The following KIN variants were observed in gnomAD, a reference collection of about 807,000 sequenced individuals.
The protein encoded by KIN is Kin17 DNA and RNA binding protein.
A neutral mutation model predicts 63.0 loss-of-function variants in KIN; 47 were observed. The ratio of observed to expected loss-of-function variants is 0.75; its 90% CI spans 0.59 to 0.95. The LOEUF (loss-of-function observed/expected upper bound fraction) is 0.95, where lower values mean the gene tolerates loss of function less well. Among genes scored for constraint, KIN ranks in the 40% least tolerant of loss-of-function variants. The pLI, the probability that KIN is intolerant of heterozygous loss-of-function variation, is 0.00. For missense variants in KIN, 408 were observed against 460.9 expected, an observed-to-expected ratio of 0.89 and a Z score of 1.05; for synonymous variants, 160 against 157.7, an observed-to-expected ratio of 1.01 and a Z score of -0.11.
rs1170762835 is a variant in KIN, at chr10:7,763,710, T to C, written c.918+13A>G. Reference sequence around the variant, plus strand: ...TTTTTTCACAAATTCCATTCATAATTGCACGTCCTTACCTTAACAATAGCC... The same window carrying C: ...TTTTTTCACAAATTCCATTCATAATCGCACGTCCTTACCTTAACAATAGCC... On this transcript the variant is annotated intron_variant, in intron 10 of 12. Transcript: ENST00000379562. 6 of 1,424,716 alleles carry C rather than the reference T, an allele frequency of 4.2e-6. No individual in the cohort carries two copies. The Admixed American group carries it at 1.2e-4, about 28-fold the overall frequency. 88.3% of individuals were successfully genotyped at this position (1,424,716 alleles called of 1,614,324 possible). A position where few individuals can be genotyped will look rare whatever the true frequency, so the allele number is the denominator to read the frequency against.
intron 7 of KIN, among the ~76,000 whole-genome samples, chr10:7,772,174 T>G (rs1835679884): frequency 6.6e-6 from 1 of 152,108 alleles, no homozygotes; most frequent in Non-Finnish European, 1.5e-5. Flanking sequence ...GTAAAAAAAT[T>G]CGAGGTCATC....
In KIN at chr10:7,783,308, A is replaced by G. The variant is rs1835935214; in HGVS notation, c.115-133T>C. 10 of 441,894 alleles carry G rather than the reference A, an allele frequency of 2.3e-5. No homozygotes were observed. In the East Asian group the frequency reaches 3.6e-4, roughly 16 times the overall value. 27.4% of individuals were successfully genotyped at this position (441,894 alleles called of 1,614,324 possible). On this transcript the variant is annotated intron_variant, in intron 1 of 12. Coordinates refer to ENST00000379562, the MANE Select transcript of KIN (RefSeq NM_012311.4). The stretch of plus-strand genomic sequence containing the variant: ...AAATATAATCAAATCATTAGCTGTA[A>G]CTACTCTATCAGGTTTTCAAAAAAA...
intron 7 of KIN, 31 bp downstream of exon 7, chr10:7,774,800 T>C: frequency 6.5e-7 from 1 of 1,543,392 alleles, no homozygotes; most frequent in South Asian, 1.1e-5. Flanking sequence ...AATCCTAATG[T>C]TTTAAGATAT....
intron 2 of KIN, 137 bp downstream of exon 2, chr10:7,782,944 A>C: frequency 2.4e-6 from 1 of 416,438 alleles, no homozygotes; most frequent in Non-Finnish European, 4.2e-6. Context: ...TTTCAAAAGA[A>C]GATAAAAACT....
At position 7,751,255 on chromosome 10, in the gene KIN, G is replaced by A. The variant is rs1835240815; in HGVS notation, c.*4825C>T. On this transcript the variant is annotated 3_prime_UTR_variant, in exon 13 of 13. Transcript: ENST00000379562. ...TTGCACTTTAAAAAAGCTTTTTAAA[G>A]GCACATTTTTATGAATCTTCCTTTC... 1 of 152,178 alleles carries A rather than the reference G, an allele frequency of 6.6e-6. No individual in the cohort carries two copies. The highest frequency in any genetic ancestry group is 1.5e-5 in the Non-Finnish European group (1 of 68,036). 9.4% of individuals were successfully genotyped at this position (152,178 alleles called of 1,614,324 possible). A position where few individuals can be genotyped will look rare whatever the true frequency, so the allele number is the denominator to read the frequency against.
intron 10 of KIN, among the ~76,000 whole-genome samples, chr10:7,763,475 T>G (rs1295088697): frequency 6.6e-6 from 1 of 152,180 alleles, no homozygotes; most frequent in Non-Finnish European, 1.5e-5. Flanking sequence ...TTTGAAGAGG[T>G]GCTGATGGGC....
chr10:7,774,759 CT>C (rs1835734788), intron 7 of KIN, 71 bp downstream of exon 7: 2 of 1,207,872 alleles, frequency 1.7e-6, no homozygotes, highest in Non-Finnish European at 2.4e-6. Flanking sequence ...ATTCACAATA[CT>C]TTAAAATACA....
chr10:7,765,567 T>G (rs1355747626), intron 9 of KIN, among the ~76,000 whole-genome samples: 1 of 152,220 alleles, frequency 6.6e-6, no homozygotes, highest in Non-Finnish European at 1.5e-5. Context: ...TTAAATTATT[T>G]TAAAACAATA....
chr10:7,766,312 A>G (rs1429413038), intron 8 of KIN: 1 of 446,386 alleles, frequency 2.2e-6, no homozygotes, highest in African/African-American at 2.1e-5. Context: ...TTTTAAAAGT[A>G]TATAATAAAG....
At chr10:7,763,009 A>G (rs1273983148) in intron 10 of KIN, among the ~76,000 whole-genome samples, 5 of 152,186 alleles carry the variant, frequency 3.3e-5, no homozygotes, top group African/African-American at 7.2e-5. Flanking sequence ...TAATCCCAGT[A>G]CTTTGGGAGG....
chr10:7,779,967 A>AT, intron 4 of KIN, 89 bp downstream of exon 4: 30 of 1,425,344 alleles, frequency 2.1e-5, no homozygotes, highest in South Asian at 2.5e-5. Context: ...CACTGACCCA[A>AT]TTTTTTTTCT....
intron 1 of KIN, 152 bp downstream of exon 1, chr10:7,787,668 T>C: frequency 4.7e-6 from 3 of 642,082 alleles, no homozygotes; most frequent in Non-Finnish European, 8.3e-6. Flanking sequence ...TCTCGTGCGC[T>C]GAGTAGTTGA....
chr10:7,764,861 A>G (rs2130995340), intron 9 of KIN, among the ~76,000 whole-genome samples: 1 of 152,304 alleles, frequency 6.6e-6, no homozygotes, highest in Admixed American at 6.5e-5. Flanking sequence ...TTCTGAGTTT[A>G]AAAACTAGGC....
In KIN at chr10:7,780,594, T is replaced by TCAC. The variant is rs557270966; in HGVS notation, c.210-290_210-288dup. Among the ~76,000 whole-genome samples, 93 of 152,218 alleles carry TCAC rather than the reference T, an allele frequency of 6.1e-4. 1 individual carries two copies. The South Asian group carries it at 0.018, about 30-fold the overall frequency. On this transcript the variant is annotated intron_variant, in intron 2 of 12. Transcript: ENST00000379562. ...TCGTATTTTTCGTAGGGATGGGGTT[T>TCAC]CACCATGTTGGGCAGGCTGGTCTCA...
intron 2 of KIN, among the ~76,000 whole-genome samples, chr10:7,781,587 T>TCTACACACACAC (rs71515486): frequency 1.4e-5 from 2 of 140,622 alleles, no homozygotes; most frequent in African/African-American, 5.5e-5. Flanking sequence ...ACCCTGTCTC[T>TCTACACACACAC]ACACACACAC....
intron 6 of KIN, 36 bp downstream of exon 6, chr10:7,775,715 A>T (rs1301670775): frequency 8.6e-7 from 1 of 1,163,648 alleles, no homozygotes; most frequent in Non-Finnish European, 1.2e-6. Flanking sequence ...AAAAGCATCT[A>T]TGTTTAAAAA....
At chr10:7,756,355 C>T (rs1057280650) in intron 12 of KIN, among the ~76,000 whole-genome samples, 4 of 152,178 alleles carry the variant, frequency 2.6e-5, no homozygotes, top group Non-Finnish European at 4.4e-5. Context: ...ATCTGACATA[C>T]GTTATCAATA....
chr10:7,773,414 C>G (rs1389218948), intron 7 of KIN, among the ~76,000 whole-genome samples: 1 of 152,142 alleles, frequency 6.6e-6, no homozygotes, highest in East Asian at 1.9e-4. Flanking sequence ...AAAGAACAGA[C>G]AGAAATGCAT....
chr10:7,774,269 A>G (rs1835723632), intron 7 of KIN, among the ~76,000 whole-genome samples: 1 of 152,212 alleles, frequency 6.6e-6, no homozygotes, highest in Admixed American at 6.6e-5. Context: ...TGTACTGGGG[A>G]CGAAGGAGAG....
Sources: allele counts gnomAD v4.1 joint callset (sites outside exome capture counted in the v4.1 genomes callset), GRCh38; gene constraint gnomAD v4.1.1; transcripts MANE v1.5; gene names NCBI Gene and HGNC (gene_info 2026-07-23, HGNC 2026-07-21).